The following PPFIA2 variants were observed in gnomAD, a reference collection of about 807,000 sequenced individuals.
The protein encoded by PPFIA2 is liprin-alpha-2.
In PPFIA2, 46 loss-of-function variants were observed where a neutral mutation model predicts 175.5. The observed-to-expected ratio is 0.26, with a 90% CI of 0.21 to 0.34. The LOEUF (loss-of-function observed/expected upper bound fraction) is 0.34. Among genes scored for constraint, PPFIA2 ranks in the 10% least tolerant of loss-of-function variants. PPFIA2 has a pLI of 1.00. For missense variants in PPFIA2, 1,179 were observed against 1,506.1 expected (o/e 0.78, Z 3.60); for synonymous variants, 568 against 511.4 (o/e 1.11, Z -1.49).
intron 5 of PPFIA2, among the ~76,000 whole-genome samples, chr12:81,452,363 A>G (rs954431440): frequency 2.6e-5 from 4 of 152,228 alleles, no homozygotes; most frequent in Non-Finnish European, 5.9e-5. Context: ...GGCTGCTGTA[A>G]TATGGTCATA....
intron 4 of PPFIA2, among the ~76,000 whole-genome samples, chr12:81,504,852 G>A (rs542973695): frequency 1.3e-5 from 2 of 152,152 alleles, no homozygotes; most frequent in Non-Finnish European, 2.9e-5. Flanking sequence ...CAGGGACATG[G>A]ATGAAGCCGG....
At chr12:81,672,840 T>C (rs543377179) in intron 4 of PPFIA2, among the ~76,000 whole-genome samples, 1 of 152,020 alleles carries the variant, frequency 6.6e-6, no homozygotes, top group Non-Finnish European at 1.5e-5. Flanking sequence ...ATTTGACCAA[T>C]GTATGTTACA....
intron 7 of PPFIA2, among the ~76,000 whole-genome samples, chr12:81,417,588 C>G (rs2045533859): frequency 6.6e-6 from 1 of 151,622 alleles, no homozygotes; most frequent in African/African-American, 2.4e-5. Flanking sequence ...TAGTTCCTTT[C>G]TTAGAAATAA....
At chr12:81,343,697 T>C (rs924837128) in intron 19 of PPFIA2, among the ~76,000 whole-genome samples, 4 of 152,126 alleles carry the variant, frequency 2.6e-5, no homozygotes, top group Non-Finnish European at 5.9e-5. Context: ...CTCTACTCAA[T>C]TATCTAATAA....
intron 4 of PPFIA2, among the ~76,000 whole-genome samples, chr12:81,473,882 T>C (rs2057115308): frequency 6.6e-6 from 1 of 152,210 alleles, no homozygotes; most frequent in African/African-American, 2.4e-5. Context: ...ATCACCTTAT[T>C]TGACTGCAGG....
chr12:81,652,585 C>T (rs1265068771), intron 4 of PPFIA2, among the ~76,000 whole-genome samples: 1 of 151,998 alleles, frequency 6.6e-6, no homozygotes, highest in Non-Finnish European at 1.5e-5. Flanking sequence ...TGGTTCCCCA[C>T]CTCCCCGTCT....
rs2083512249 is a variant in PPFIA2 at position 81,749,782 on chromosome 12, CTT to C, written c.249+4189_249+4190del. Among the ~76,000 whole-genome samples, 2 of 144,188 alleles carry C rather than the reference CTT, an allele frequency of 1.4e-5. 1 individual carries two copies. Among genetic ancestry groups the C allele is most frequent in the Non-Finnish European group, 3.1e-5 (2 of 64,326 alleles). The allele number at this position is 144,188 out of a possible 152,430, so 94.6% of individuals were successfully genotyped here. A position where few individuals can be genotyped will look rare whatever the true frequency, so the allele number is the denominator to read the frequency against. On this transcript the variant is annotated intron_variant, in intron 3 of 32. Transcript: ENST00000549396. ...CCCTATGAGGTGTTAGTATTAAACA[CTT>C]TTTGTAGCATGGAAATCTGAAGTTC...
At chr12:81,476,530 A>G (rs1225103145) in intron 4 of PPFIA2, among the ~76,000 whole-genome samples, 1 of 152,218 alleles carries the variant, frequency 6.6e-6, no homozygotes, top group Non-Finnish European at 1.5e-5. Context: ...CAATAAATCT[A>G]TATTTATATC....
intron 4 of PPFIA2, among the ~76,000 whole-genome samples, chr12:81,489,708 C>A (rs895503861): frequency 7.2e-5 from 11 of 151,870 alleles, no homozygotes; most frequent in African/African-American, 2.2e-4. Flanking sequence ...TTAGCCAGAG[C>A]ACCCTATAGT....
Position 81,325,711 on chromosome 12 carries a change from T to C in PPFIA2, c.2642+66A>G, listed in dbSNP as rs1021841545. 9 of 1,169,508 alleles carry C rather than the reference T, an allele frequency of 7.7e-6. No individual in the cohort carries two copies. The East Asian group carries it at 1.8e-4, about 23-fold the overall frequency. The allele number at this position is 1,169,508 out of a possible 1,614,324, so 72.4% of individuals were successfully genotyped here. On this transcript the variant is annotated intron_variant, in intron 22 of 32. Coordinates refer to ENST00000549396, the MANE Select transcript of PPFIA2 (RefSeq NM_003625.5). Reference sequence around the variant, plus strand: ...TTGTTTCCAACCACTCTCTTTTTAATTCCCTATAAATAATAATAAGGAATT... The same window carrying C: ...TTGTTTCCAACCACTCTCTTTTTAACTCCCTATAAATAATAATAAGGAATT...
chr12:81,714,600 G>T (rs1040246499), intron 3 of PPFIA2, among the ~76,000 whole-genome samples: 1 of 150,992 alleles, frequency 6.6e-6, no homozygotes, highest in Admixed American at 6.8e-5. Context: ...AGTGGTTATA[G>T]AAAGAAAAGG....
intron 5 of PPFIA2, among the ~76,000 whole-genome samples, chr12:81,451,676 T>C (rs1283062406): frequency 6.6e-6 from 1 of 152,218 alleles, no homozygotes; most frequent in Non-Finnish European, 1.5e-5. Flanking sequence ...CCTTAAGGGA[T>C]GAACGATTTC....
intron 4 of PPFIA2, among the ~76,000 whole-genome samples, chr12:81,482,860 G>A (rs1287956717): frequency 6.6e-6 from 1 of 151,612 alleles, no homozygotes; most frequent in East Asian, 1.9e-4. Context: ...TGCAGGTTCT[G>A]CACATGTATC....
At chr12:81,572,827 G>T (rs1158885198) in intron 4 of PPFIA2, among the ~76,000 whole-genome samples, 1 of 151,950 alleles carries the variant, frequency 6.6e-6, no homozygotes, top group Admixed American at 6.6e-5. Flanking sequence ...ATAGTTGTGT[G>T]TTTGTGTGTG....
At chr12:81,261,266 C>T (rs2035407134) in intron 32 of PPFIA2, 1 of 152,152 alleles carries the variant, frequency 6.6e-6, no homozygotes, top group Non-Finnish European at 1.5e-5. Flanking sequence ...GTCACCCAAG[C>T]TTGAGTGCAG....
intron 8 of PPFIA2, among the ~76,000 whole-genome samples, chr12:81,393,067 A>G (rs762810428): frequency 6.6e-6 from 1 of 151,890 alleles, no homozygotes; most frequent in African/African-American, 2.4e-5. Context: ...TCTTATTTTC[A>G]TTCTTATAGC....
intron 7 of PPFIA2, among the ~76,000 whole-genome samples, chr12:81,414,292 T>C (rs1162922338): frequency 6.6e-6 from 1 of 151,706 alleles, no homozygotes; most frequent in Non-Finnish European, 1.5e-5. Flanking sequence ...CAGGGGGCTT[T>C]TCCTGACCTG....
chr12:81,564,955 C>G (rs1016678540), intron 4 of PPFIA2, among the ~76,000 whole-genome samples: 3 of 152,132 alleles, frequency 2.0e-5, no homozygotes, highest in Non-Finnish European at 4.4e-5. Context: ...GGTGCATGCA[C>G]AACCTCACCA....
intron 5 of PPFIA2, among the ~76,000 whole-genome samples, chr12:81,454,973 C>A (rs1010090047): frequency 6.6e-6 from 1 of 152,152 alleles, no homozygotes; most frequent in Non-Finnish European, 1.5e-5. Flanking sequence ...TTCAGCATCA[C>A]GAGCAGCTGA....
Sources: allele counts gnomAD v4.1 joint callset (sites outside exome capture counted in the v4.1 genomes callset), GRCh38; gene constraint gnomAD v4.1.1; transcripts MANE v1.5; gene names NCBI Gene and HGNC (gene_info 2026-07-23, HGNC 2026-07-21).